Variants in ATP6V0D2 observed in about 807,000 individuals in gnomAD.
ATP6V0D2 encodes the protein V-type proton ATPase subunit d 2.
Under a neutral mutation model 40.0 loss-of-function variants are expected in ATP6V0D2, and 40 were observed. The ratio of observed to expected loss-of-function variants is 1.00; its 90% CI spans 0.78 to 1.30. The LOEUF is 1.30. Among genes scored for constraint, ATP6V0D2 ranks in the 50% most tolerant of loss-of-function variants. The pLI, the probability that ATP6V0D2 is intolerant of heterozygous loss-of-function variation, is 0.00. For synonymous variants in ATP6V0D2, 179 were observed against 156.3 expected (o/e 1.15, Z -1.08); for missense variants, 470 against 423.1 (o/e 1.11, Z -0.97).
At chr8:86,117,032 G>A (rs147692050) in intron 2 of ATP6V0D2, among the ~76,000 whole-genome samples, 1 of 151,138 alleles carries the variant, frequency 6.6e-6, no homozygotes, top group African/African-American at 2.5e-5. Context: ...GTCTATTTTT[G>A]TTAGAGTTTT....
chr8:86,153,071 A>G lies in ATP6V0D2; in HGVS notation c.*94A>G, dbSNP rs1819179248. 3 of 1,125,370 alleles carry G rather than the reference A, an allele frequency of 2.7e-6. No individual in the cohort carries two copies. The South Asian group carries it at 5.8e-5, about 22-fold the overall frequency. The allele number at this position is 1,125,370 out of a possible 1,614,324, so 69.7% of individuals were successfully genotyped here. A position where few individuals can be genotyped will look rare whatever the true frequency, so the allele number is the denominator to read the frequency against. On this transcript the variant is annotated 3_prime_UTR_variant, in exon 8 of 8. Transcript: ENST00000285393. ...AATTATGTTATATTATCTAGACTAC[A>G]CAAAAGTAAGCCACACTATATCTTC...
At chr8:86,112,057 T>G (rs1818533588) in intron 1 of ATP6V0D2, among the ~76,000 whole-genome samples, 1 of 152,204 alleles carries the variant, frequency 6.6e-6, no homozygotes, top group Non-Finnish European at 1.5e-5. Context: ...ATAAGCTCCA[T>G]ATGTGTGCTG....
chr8:86,151,050 A>G (rs1203361755), intron 6 of ATP6V0D2, among the ~76,000 whole-genome samples: 1 of 152,148 alleles, frequency 6.6e-6, no homozygotes. Context: ...TAAAATTTGA[A>G]TTTCTCCCAA....
chr8:86,151,778 C>A (rs1267699740), intron 7 of ATP6V0D2, among the ~76,000 whole-genome samples: 1 of 145,728 alleles, frequency 6.9e-6, no homozygotes, highest in Non-Finnish European at 1.5e-5. Flanking sequence ...TTTTTTATAC[C>A]CTCCTAAAAG....
intron 2 of ATP6V0D2, among the ~76,000 whole-genome samples, chr8:86,119,420 G>C (rs1186181692): frequency 6.6e-6 from 1 of 151,898 alleles, no homozygotes; most frequent in Non-Finnish European, 1.5e-5. Context: ...GTAGAGATGA[G>C]GTTTCGCCAT....
intron 5 of ATP6V0D2, among the ~76,000 whole-genome samples, chr8:86,149,856 CCCGGGA>C (rs1819119512): frequency 6.6e-6 from 1 of 151,970 alleles, no homozygotes; most frequent in African/African-American, 2.4e-5. Flanking sequence ...TTGCAGGGTG[CCCGGGA>C]AATAAATCTT....
At chr8:86,132,576 A>G (rs569906498) in intron 2 of ATP6V0D2, among the ~76,000 whole-genome samples, 2 of 152,214 alleles carry the variant, frequency 1.3e-5, no homozygotes, top group African/African-American at 4.8e-5. Flanking sequence ...GTGAGTGCAT[A>G]TGATATTTGG....
intron 2 of ATP6V0D2, among the ~76,000 whole-genome samples, chr8:86,139,053 C>T (rs1182140015): frequency 6.6e-6 from 1 of 151,954 alleles, no homozygotes; most frequent in African/African-American, 2.4e-5. Context: ...CACAGTGAAA[C>T]CCTGTATCTA....
chr8:86,145,313 AGAAAGAAGGAAAGAAG>A (rs201203621), intron 5 of ATP6V0D2, among the ~76,000 whole-genome samples: 1 of 76,476 alleles, frequency 1.3e-5, no homozygotes, highest in East Asian at 3.5e-4. Flanking sequence ...AAGAAAGAAA[AGAAAGAAGGAAAGAAG>A]GAAAGAAGGA....
chr8:86,139,327 A>C, intron 2 of ATP6V0D2, 130 bp from the exon 3 acceptor site: 1 of 692,568 alleles, frequency 1.4e-6, no homozygotes, highest in Non-Finnish European at 2.2e-6. Flanking sequence ...CCAGTGTTTA[A>C]AATAAAAAGA....
At chr8:86,118,030 T>TTTC (rs1563558104) in intron 2 of ATP6V0D2, among the ~76,000 whole-genome samples, 10 of 137,954 alleles carry the variant, frequency 7.2e-5, no homozygotes, top group East Asian at 2.5e-4. Context: ...TTCTTTCTTT[T>TTTC]TTTTTCTTTC....
At chr8:86,103,407 AGACGT>A (rs984303257) in intron 1 of ATP6V0D2, among the ~76,000 whole-genome samples, 2 of 151,854 alleles carry the variant, frequency 1.3e-5, no homozygotes, top group Non-Finnish European at 2.9e-5. Flanking sequence ...CTGGGATTAC[AGACGT>A]GAGCTGCTGG....
At position 86,140,443 on chromosome 8, in the gene ATP6V0D2, C is replaced by T. The variant is rs1041503650; in HGVS notation, c.481+808C>T. Among the ~76,000 whole-genome samples the T allele has an allele frequency of 8.5e-5, 13 of 152,242 alleles. No homozygotes were observed. The East Asian group carries it at 9.6e-4, about 11-fold the overall frequency. ...CATGAGCATGAAACCAGGCTCTGCC[C>T]GGTCCCAGCAAGGTGACTAGGAGCA... is the stretch of plus-strand genomic sequence containing the variant. On this transcript the variant is annotated intron_variant, in intron 3 of 7. Transcript: ENST00000285393.
rs900806091 is a variant in ATP6V0D2 at position 86,141,426 on chromosome 8, TG to T, written c.482-22del. Reference sequence around the variant, plus strand: ...ATAATCTTGCTTAAGATTCATTTTTTGGTATGGCAATTTCTGCTTTCAGCTC... The same window carrying T: ...ATAATCTTGCTTAAGATTCATTTTTTGTATGGCAATTTCTGCTTTCAGCTC... On this transcript the variant is annotated intron_variant, in intron 3 of 7. Coordinates refer to ENST00000285393, the MANE Select transcript of ATP6V0D2 (RefSeq NM_152565.1). The T allele has an allele frequency of 2.5e-6, 4 of 1,588,332 alleles. No individual in the cohort carries two copies. The African/African-American group carries it at 5.4e-5, about 21-fold the overall frequency.
At chr8:86,138,201 G>A (rs571677523) in intron 2 of ATP6V0D2, among the ~76,000 whole-genome samples, 66 of 152,242 alleles carry the variant, frequency 4.3e-4, no homozygotes, top group Non-Finnish European at 2.2e-4. Context: ...GCCTTGAAAT[G>A]TGCTTTTCCC....
chr8:86,145,413 G>T lies in ATP6V0D2; in HGVS notation c.639+2459G>T, dbSNP rs185090823. ...GAAAAGAAAAGAAAAGAAAAGAAAAGAAAAGACGAGGTATCTCTATGTTGT... is the reference window on the plus strand; with the variant it reads ...GAAAAGAAAAGAAAAGAAAAGAAAATAAAAGACGAGGTATCTCTATGTTGT... On this transcript the variant is annotated intron_variant, in intron 5 of 7. Coordinates refer to ENST00000285393, the MANE Select transcript of ATP6V0D2 (RefSeq NM_152565.1). Among the ~76,000 whole-genome samples, 1,045 of 151,892 alleles carry T rather than the reference G, an allele frequency of 6.9e-3. 20 individuals are homozygous for T. Among genetic ancestry groups the T allele is most frequent in the African/African-American group, 0.023 (961 of 41,382 alleles).
chr8:86,104,231 C>T (rs1818438757), intron 1 of ATP6V0D2, among the ~76,000 whole-genome samples: 1 of 151,998 alleles, frequency 6.6e-6, no homozygotes, highest in South Asian at 2.1e-4. Flanking sequence ...TTAATAGAGA[C>T]AGGGTCTTAT....
chr8:86,122,723 GA>G (rs1335614002), intron 2 of ATP6V0D2, among the ~76,000 whole-genome samples: 1 of 152,202 alleles, frequency 6.6e-6, no homozygotes, highest in Non-Finnish European at 1.5e-5. Context: ...CTGAAACAAT[GA>G]ATTTTGACTT....
chr8:86,100,534 C>T (rs1818383254), intron 1 of ATP6V0D2, among the ~76,000 whole-genome samples: 1 of 152,122 alleles, frequency 6.6e-6, no homozygotes, highest in Non-Finnish European at 1.5e-5. Flanking sequence ...TCAGACAGAA[C>T]CACCCAAGTT....
Sources: allele counts gnomAD v4.1 joint callset (sites outside exome capture counted in the v4.1 genomes callset), GRCh38; gene constraint gnomAD v4.1.1; transcripts MANE v1.5; gene names NCBI Gene and HGNC (gene_info 2026-07-23, HGNC 2026-07-21).